ANKS1B: variants seen among roughly 807,000 people sequenced by gnomAD.
ANKS1B encodes the protein ankyrin repeat and sterile alpha motif domain containing 1B.
A neutral mutation model predicts 148.3 loss-of-function variants in ANKS1B; 36 were observed. That is an observed-to-expected ratio of 0.24 (90% confidence interval 0.19 to 0.32). The LOEUF is 0.32. Among genes scored for constraint, ANKS1B ranks in the 10% least tolerant of loss-of-function variants. ANKS1B has a pLI of 1.00. For synonymous variants in ANKS1B, 542 were observed against 560.8 expected, an observed-to-expected ratio of 0.97 and a Z score of 0.47; for missense variants, 1,157 against 1,542.6, an observed-to-expected ratio of 0.75 and a Z score of 4.19.
chr12:98,855,308 A>G (rs2099559447), intron 17 of ANKS1B, among the ~76,000 whole-genome samples: 1 of 152,294 alleles, frequency 6.6e-6, no homozygotes, highest in East Asian at 1.9e-4. Context: ...GCCTGTCAAG[A>G]GAGTTGAAGG....
chr12:99,156,266 A>G (rs1456728795), intron 14 of ANKS1B, among the ~76,000 whole-genome samples: 1 of 152,162 alleles, frequency 6.6e-6, no homozygotes, highest in African/African-American at 2.4e-5. Context: ...TTAAGTTTAC[A>G]GAACTGCCAC....
intron 9 of ANKS1B, among the ~76,000 whole-genome samples, chr12:99,570,479 C>T (rs2097442022): frequency 6.6e-6 from 1 of 151,982 alleles, no homozygotes; most frequent in African/African-American, 2.4e-5. Context: ...AACCCCGTCT[C>T]TACTAAAAAT....
intron 15 of ANKS1B, among the ~76,000 whole-genome samples, chr12:99,086,916 A>G (rs1424851033): frequency 2.0e-5 from 3 of 152,202 alleles, no homozygotes; most frequent in African/African-American, 7.2e-5. Context: ...AAGGAGAATG[A>G]ATTTGAAAGG....
intron 16 of ANKS1B, among the ~76,000 whole-genome samples, chr12:99,078,326 A>G (rs1409811208): frequency 6.6e-6 from 1 of 152,250 alleles, no homozygotes; most frequent in African/African-American, 2.4e-5. Flanking sequence ...TACTCTTTTC[A>G]GTAATGAGGC....
intron 1 of ANKS1B, among the ~76,000 whole-genome samples, chr12:99,897,389 C>T (rs2093422617): frequency 6.6e-6 from 1 of 151,078 alleles, no homozygotes; most frequent in Admixed American, 6.6e-5. Context: ...TCAAATGCAT[C>T]ATACTAGCAA....
chr12:99,722,510 C>G (rs988408522), intron 8 of ANKS1B, among the ~76,000 whole-genome samples: 1 of 152,168 alleles, frequency 6.6e-6, no homozygotes, highest in Non-Finnish European at 1.5e-5. Flanking sequence ...GTTTACTGAC[C>G]ATTTTAAGCC....
intron 8 of ANKS1B, among the ~76,000 whole-genome samples, chr12:99,670,254 T>C (rs1295871207): frequency 6.6e-6 from 1 of 152,140 alleles, no homozygotes; most frequent in East Asian, 1.9e-4. Flanking sequence ...ACTGCACATT[T>C]ATCACATAAA....
intron 25 of ANKS1B, among the ~76,000 whole-genome samples, chr12:98,755,915 G>A (rs974456224): frequency 2.0e-5 from 3 of 152,108 alleles, no homozygotes; most frequent in African/African-American, 4.8e-5. Flanking sequence ...TTTGAATCTG[G>A]ACTGGTTTTA....
At chr12:98,809,844 C>T (rs1207056428) in intron 19 of ANKS1B, among the ~76,000 whole-genome samples, 1 of 152,146 alleles carries the variant, frequency 6.6e-6, no homozygotes, top group Non-Finnish European at 1.5e-5. Flanking sequence ...ATTATACCTC[C>T]TCTTTTTCAT....
In ANKS1B at chr12:99,825,312, T is replaced by G; in HGVS notation, c.212A>C (p.His71Pro). The G allele has an allele frequency of 6.2e-7, 1 of 1,612,092 alleles. No homozygotes were observed. The highest frequency in any genetic ancestry group is 8.5e-7 in the Non-Finnish European group (1 of 1,178,930). The change falls in exon 2 of 27, where the codon CAT becomes CCT. Residue 71 changes from histidine (H) to proline (P), a missense_variant. His to Pro is a moderately conservative substitution (Grantham distance 77). Around this residue, in one of 6 missense-constraint regions of ANKS1B, gnomAD observed 164 missense variants for 232.6 expected, o/e 0.71. Coordinates refer to ENST00000683438, the MANE Select transcript of ANKS1B (RefSeq NM_001352186.2). The part of the protein sequence containing the change: ...TALHHAALNG[H>P]KDIVLKLLQY... Reference sequence around the variant, plus strand: ...CGTCCAAATAAGTGGCACTTACTTATGTCCATTTAAGGCTGCGTGGTGTAA... The same window carrying G: ...CGTCCAAATAAGTGGCACTTACTTAGGTCCATTTAAGGCTGCGTGGTGTAA...
intron 8 of ANKS1B, among the ~76,000 whole-genome samples, chr12:99,661,792 C>A (rs923102259): frequency 6.6e-6 from 1 of 152,152 alleles, no homozygotes; most frequent in African/African-American, 2.4e-5. Context: ...TGAATAAATA[C>A]CACATTGTCC....
chr12:99,443,846 C>T (rs2095589417), intron 10 of ANKS1B, 37 bp from the exon 11 acceptor site: 1 of 1,561,096 alleles, frequency 6.4e-7, no homozygotes, highest in African/African-American at 1.4e-5. Flanking sequence ...AACCTAATCA[C>T]TCAGTTTACC....
At chr12:99,361,076 A>T (rs1001935951) in intron 12 of ANKS1B, among the ~76,000 whole-genome samples, 1 of 152,122 alleles carries the variant, frequency 6.6e-6, no homozygotes, top group African/African-American at 2.4e-5. Flanking sequence ...GGGTGACTAC[A>T]GTCAACAACA....
At chr12:98,786,888 C>T (rs999324171) in intron 22 of ANKS1B, among the ~76,000 whole-genome samples, 5 of 152,186 alleles carry the variant, frequency 3.3e-5, no homozygotes, top group Non-Finnish European at 4.4e-5. Context: ...GAAGCACAGG[C>T]TGGGGAAGGG....
At chr12:99,568,511 C>T (rs1386782807) in intron 9 of ANKS1B, among the ~76,000 whole-genome samples, 1 of 152,192 alleles carries the variant, frequency 6.6e-6, no homozygotes, top group East Asian at 1.9e-4. Context: ...GTTATCACAA[C>T]TTCCAAATAC....
chr12:99,958,435 T>A (rs192950451), intron 1 of ANKS1B, among the ~76,000 whole-genome samples: 108 of 152,176 alleles, frequency 7.1e-4, no homozygotes, highest in African/African-American at 2.5e-3. Flanking sequence ...CAGGCTGGAG[T>A]GCAGTGGCAC....
chr12:98,850,459 A>ACTTT (rs2099516936), intron 17 of ANKS1B, among the ~76,000 whole-genome samples: 1 of 70,486 alleles, frequency 1.4e-5, no homozygotes, highest in Admixed American at 2.3e-4. Flanking sequence ...GAAGCATTGC[A>ACTTT]TTTTTTTTTT....
chr12:99,121,318 G>GGGGGGTGTGTGTGTGTGTGTGTGTGTGT, intron 15 of ANKS1B, among the ~76,000 whole-genome samples: 1 of 105,978 alleles, frequency 9.4e-6, no homozygotes, highest in East Asian at 2.6e-4. Flanking sequence ...TGTGTATGTA[G>GGGGGGTGTGTGTGTGTGTGTGTGTGTGT]GTATGTGTGT....
At position 99,303,054 on chromosome 12, in the gene ANKS1B, C is replaced by T. The variant is rs940872790; in HGVS notation, c.1757-56190G>A. ...ATTAAGTAATCTTAGCAAACGCACA[C>T]ACCGGTCAGAATAGTCACATCTGAA... On this transcript the variant is annotated intron_variant, in intron 12 of 26. Coordinates refer to ENST00000683438, the MANE Select transcript of ANKS1B (RefSeq NM_001352186.2). Among the ~76,000 whole-genome samples, 7 of 152,072 alleles carry T rather than the reference C, an allele frequency of 4.6e-5. No homozygotes were observed. The South Asian group carries it at 1.5e-3, about 32-fold the overall frequency.
Sources: gnomAD v4.1 joint callset for allele counts (sites outside exome capture counted in the v4.1 genomes callset) on GRCh38, gnomAD v4.1.1 for gene constraint, gnomAD v4.1.1 regional missense constraint, MANE v1.5 for transcripts, NCBI Gene and HGNC (gene_info 2026-07-23, HGNC 2026-07-21) for gene names.